The following REV1 variants were observed in gnomAD, a reference collection of about 807,000 sequenced individuals.
REV1 encodes the protein REV1 DNA directed polymerase, also known as translesion synthesis protein REV1.
REV1 carries 42 observed loss-of-function variants against 137.4 expected under a neutral mutation model. That is an observed-to-expected ratio of 0.31 (90% CI 0.24 to 0.40). The LOEUF (loss-of-function observed/expected upper bound fraction) is 0.40. REV1 is among the 10% of genes least tolerant of loss of function. REV1 has a pLI of 1.00. For missense variants in REV1, 1,282 were observed against 1,490.1 expected (o/e 0.86, Z 2.30); for synonymous variants, 524 against 519.2 (o/e 1.01, Z -0.12).
In REV1 at chr2:99,488,242, G is replaced by C. The variant is rs1687312746; in HGVS notation, c.-11+1575C>G. On this transcript the variant is annotated intron_variant, in intron 1 of 22. Transcript: ENST00000258428. The stretch of plus-strand genomic sequence containing the variant: ...TCCTTAATGCTCTTATGTAGAATCA[G>C]AGTTTTGAAGTTGCGAGTGGGAAGT... Among the ~76,000 whole-genome samples the C allele has an allele frequency of 1.7e-5, 2 of 119,212 alleles. 1 individual carries two copies. The highest frequency in any genetic ancestry group is 2.1e-4 in the Admixed American group (2 of 9,454). 78.2% of individuals were successfully genotyped at this position (119,212 alleles called of 152,430 possible). A position where few individuals can be genotyped will look rare whatever the true frequency, so the allele number is the denominator to read the frequency against.
chr2:99,418,952 T>TAAA lies in REV1; in HGVS notation c.1832-8_1832-6dup. On this transcript the variant is annotated splice_polypyrimidine_tract_variant and splice_region_variant and intron_variant, in intron 11 of 22. Transcript: ENST00000258428. ...TAGCCAGGAGAATATTAGAACCTAT[T>TAAA]AAAAAAAAAAGTCATCCAAGAAATA... 1 of 1,461,716 alleles carries TAAA rather than the reference T, an allele frequency of 6.8e-7. No homozygotes were observed. The highest frequency in any genetic ancestry group is 9.3e-7 in the Non-Finnish European group (1 of 1,076,646). The allele number at this position is 1,461,716 out of a possible 1,614,324, so 90.5% of individuals were successfully genotyped here. A position where few individuals can be genotyped will look rare whatever the true frequency, so the allele number is the denominator to read the frequency against.
intron 11 of REV1, among the ~76,000 whole-genome samples, chr2:99,419,227 T>TTTTG (rs1553545259): frequency 1.4e-5 from 2 of 141,184 alleles, no homozygotes; most frequent in African/African-American, 5.4e-5. Flanking sequence ...TTTTTTTTTT[T>TTTTG]GGGGGATGGA....
chr2:99,431,158 T>G (rs1455199131), intron 8 of REV1, among the ~76,000 whole-genome samples: 1 of 152,178 alleles, frequency 6.6e-6, no homozygotes, highest in East Asian at 1.9e-4. Context: ...GCATCTTTCA[T>G]CTAACTATGC....
At chr2:99,453,339 C>G (rs1391440335) in intron 3 of REV1, among the ~76,000 whole-genome samples, 1 of 142,234 alleles carries the variant, frequency 7.0e-6, no homozygotes, top group African/African-American at 2.7e-5. Flanking sequence ...AGCCTGGCAA[C>G]AGAGCAAGAC....
intron 4 of REV1, among the ~76,000 whole-genome samples, chr2:99,445,122 G>A (rs1307058216): frequency 1.9e-5 from 2 of 105,948 alleles, no homozygotes; most frequent in African/African-American, 8.3e-5. Flanking sequence ...CAGCCTCTGC[G>A]TTTAGGAACA....
chr2:99,412,644 T>C (rs2242037), intron 13 of REV1, 87 bp downstream of exon 13: 566,493 of 994,920 alleles, frequency 0.57, 165,010 homozygotes, highest in African/African-American at 0.74. Context: ...TTTCAAGCAT[T>C]GAGGGTCTAA....
chr2:99,433,744 C>T (rs779216662), intron 8 of REV1, among the ~76,000 whole-genome samples: 2 of 152,016 alleles, frequency 1.3e-5, no homozygotes, highest in Non-Finnish European at 2.9e-5. Flanking sequence ...TCTAAGAAAA[C>T]ATTTCTCAGT....
chr2:99,429,242 AGTGT>A (rs375524445), intron 9 of REV1, among the ~76,000 whole-genome samples: 1 of 152,000 alleles, frequency 6.6e-6, no homozygotes, highest in Non-Finnish European at 1.5e-5. Context: ...TATATATATG[AGTGT>A]GTGTGTGTTT....
chr2:99,478,016 TA>T (rs1290825831), intron 1 of REV1, among the ~76,000 whole-genome samples: 3 of 152,134 alleles, frequency 2.0e-5, no homozygotes, highest in Non-Finnish European at 4.4e-5. Context: ...GTGGATCACC[TA>T]AGGTCAGGAG....
rs1231170479 is a variant in REV1, at chr2:99,400,479, AT to A, written c.*761del. ...AGTTCCAAATATCCACTAGCATAGA[AT>A]TTTAAACTATTTTTATTTTAAAGTT... On this transcript the variant is annotated 3_prime_UTR_variant, in exon 23 of 23. Transcript: ENST00000258428. 4 of 152,226 alleles carry A rather than the reference AT, an allele frequency of 2.6e-5. No individual in the cohort carries two copies. In the East Asian group the frequency reaches 7.7e-4, roughly 29 times the overall value. The allele number at this position is 152,226 out of a possible 1,614,324, so 9.4% of individuals were successfully genotyped here.
At chr2:99,426,078 G>T in intron 9 of REV1, among the ~76,000 whole-genome samples, 1 of 150,820 alleles carries the variant, frequency 6.6e-6, no homozygotes, top group East Asian at 2.0e-4. Flanking sequence ...AGGCGCGGTG[G>T]TACACATCTG....
At chr2:99,448,064 G>A (rs1028657345) in intron 4 of REV1, among the ~76,000 whole-genome samples, 1 of 152,166 alleles carries the variant, frequency 6.6e-6, no homozygotes, top group African/African-American at 2.4e-5. Flanking sequence ...AAGTTCTGAA[G>A]CCAAGTATGT....
intron 1 of REV1, among the ~76,000 whole-genome samples, chr2:99,475,977 C>T (rs750646981): frequency 6.6e-6 from 1 of 151,806 alleles, no homozygotes. Context: ...AGTGAGACTT[C>T]GTCTCAAAAA....
chr2:99,402,323 G>T lies in REV1; in HGVS notation c.3565C>A (p.Gln1189Lys). 1.3e-6 allele frequency: 2 copies of T among 1,533,810 alleles called. No homozygotes were observed. Among genetic ancestry groups the T allele is most frequent in the African/African-American group, 1.4e-5 (1 of 73,144 alleles). ...ISDPMEEDIL[Q>K]VVKYCTDLIE... Reference sequence around the variant, plus strand: ...AGATCAGTACAGTATTTCACAACTTGGAGAATGTCTTCTTCCATTGGATCT... The same window carrying T: ...AGATCAGTACAGTATTTCACAACTTTGAGAATGTCTTCTTCCATTGGATCT... Residue 1189 changes from glutamine to lysine, a missense_variant, in exon 22 of 23, where the codon CAA becomes AAA. Physicochemically the swap from Gln to Lys is moderately conservative, Grantham distance 53 (BLOSUM62 1). Coordinates refer to ENST00000258428, the MANE Select transcript of REV1 (RefSeq NM_016316.4).
chr2:99,410,213 G>A (rs554130507), intron 14 of REV1, among the ~76,000 whole-genome samples: 1 of 152,250 alleles, frequency 6.6e-6, no homozygotes, highest in South Asian at 2.1e-4. Flanking sequence ...GTTTCACCAT[G>A]TTGGCCAGGC....
rs140100619 is a variant in REV1, at chr2:99,462,617, C to T, written c.60G>A (p.Gly20=). The change falls in exon 3 of 23, where the codon GGG becomes GGA. Residue 20 remains glycine (G), a synonymous_variant. Transcript: ENST00000258428. ...ATTTCTGGACCTTGGCAGCCATATA[C>T]CCACCCTAGAATTAAAGAAAAGGTA... ...AENDGWETWG[G]YMAAKVQKLE... 1.2e-6 allele frequency: 2 copies of T among 1,609,058 alleles called. No homozygotes were observed. The highest frequency in any genetic ancestry group is 2.7e-5 in the African/African-American group (2 of 74,486).
In REV1 at chr2:99,412,662, G is replaced by T. The variant is rs530487255; in HGVS notation, c.2172+69C>A. Reference sequence around the variant, plus strand: ...CAAGCATTGAGGGTCTAATGGTTTAGTTGTAGAGGTAGGACTATGTAAAAA... The same window carrying T: ...CAAGCATTGAGGGTCTAATGGTTTATTTGTAGAGGTAGGACTATGTAAAAA... On this transcript the variant is annotated intron_variant, in intron 13 of 22. Transcript: ENST00000258428. 5 of 1,148,068 alleles carry T rather than the reference G, an allele frequency of 4.4e-6. No individual in the cohort carries two copies. In the Admixed American group the frequency reaches 6.9e-5, roughly 16 times the overall value. The allele number at this position is 1,148,068 out of a possible 1,614,324, so 71.1% of individuals were successfully genotyped here.
intron 6 of REV1, 92 bp downstream of exon 6, chr2:99,438,509 C>T (rs1185315203): frequency 1.1e-6 from 1 of 915,252 alleles, no homozygotes; most frequent in African/African-American, 1.7e-5. Context: ...TTTATGAGAA[C>T]TTCATATTGA....
rs750515923 is a variant in REV1, at chr2:99,406,405, A to G, written c.2534T>C (p.Phe845Ser). Residue 845 changes from phenylalanine (F) to serine (S), a missense_variant, in exon 16 of 23, where the codon TTT becomes TCT. Phe to Ser is a radical substitution (Grantham distance 155, BLOSUM62 -2). This residue lies in a region of REV1 where 372 missense variants were observed against 482.3 expected (regional missense o/e 0.77). Coordinates refer to ENST00000258428, the MANE Select transcript of REV1 (RefSeq NM_016316.4). The part of the protein sequence containing the change: ...PSRPSVQSSH[F>S]PSGSYSVRDV... Reference sequence around the variant, plus strand: ...ACGGACAGAGTATGACCCACTAGGAAAGTGGCTTGACTGAACTGATGGGCG... The same window carrying G: ...ACGGACAGAGTATGACCCACTAGGAGAGTGGCTTGACTGAACTGATGGGCG... The G allele has an allele frequency of 3.7e-6, 6 of 1,613,888 alleles. No homozygotes were observed. In the Admixed American group the frequency reaches 8.3e-5, roughly 22 times the overall value.
Sources: gnomAD v4.1 joint callset for allele counts (sites outside exome capture counted in the v4.1 genomes callset) on GRCh38, gnomAD v4.1.1 for gene constraint, gnomAD v4.1.1 regional missense constraint, MANE v1.5 for transcripts, NCBI Gene and HGNC (gene_info 2026-07-23, HGNC 2026-07-21) for gene names.